TENM3: variants seen among roughly 807,000 people sequenced by gnomAD.
TENM3 encodes teneurin transmembrane protein 3.
Under a neutral mutation model 255.1 loss-of-function variants are expected in TENM3, and 63 were observed. That is an observed-to-expected ratio of 0.25 (90% CI 0.20 to 0.30). TENM3 has a LOEUF of 0.30. TENM3 is among the 10% of genes least tolerant of loss of function. The pLI, the probability that TENM3 is intolerant of heterozygous loss-of-function variation, is 1.00. For synonymous variants in TENM3, 1,306 were observed against 1,322.3 expected, an observed-to-expected ratio of 0.99 and a Z score of 0.27; for missense variants, 2,929 against 3,461.1, an observed-to-expected ratio of 0.85 and a Z score of 3.86.
At chr4:182,661,035 A>G (rs141754104) in intron 6 of TENM3, among the ~76,000 whole-genome samples, 2 of 152,322 alleles carry the variant, frequency 1.3e-5, no homozygotes, top group East Asian at 3.9e-4. Flanking sequence ...AAGGCTATAT[A>G]TTACAGGCAA....
intron 12 of TENM3, among the ~76,000 whole-genome samples, chr4:182,691,025 C>G (rs1756970031): frequency 6.6e-6 from 1 of 152,206 alleles, no homozygotes; most frequent in Non-Finnish European, 1.5e-5. Context: ...CTCTTTTATA[C>G]TAATAAGATG....
Position 182,738,548 on chromosome 4 carries a change from A to T in TENM3, c.3379+4A>T. Reference sequence around the variant, plus strand: ...CACGTGCTGGATGTACAGAACGGTAAGCTCTTGTTCATAGATAACTGATGT... The same window carrying T: ...CACGTGCTGGATGTACAGAACGGTATGCTCTTGTTCATAGATAACTGATGT... On this transcript the variant is annotated splice_donor_region_variant and intron_variant, in intron 18 of 27. Transcript: ENST00000511685. 1 of 1,608,012 alleles carries T rather than the reference A, an allele frequency of 6.2e-7. No homozygotes were observed. Among genetic ancestry groups the T allele is most frequent in the East Asian group, 2.2e-5 (1 of 44,586 alleles).
the TENM3 span, among the ~76,000 whole-genome samples, chr4:181,901,823 T>A: frequency 6.6e-6 from 1 of 152,170 alleles, no homozygotes; most frequent in Non-Finnish European, 1.5e-5. Flanking sequence ...AGTCTTCAAA[T>A]TATTATTATA....
chr4:182,622,803 C>A lies in TENM3; in HGVS notation c.750-5848C>A, dbSNP rs935399334. On this transcript the variant is annotated intron_variant, in intron 4 of 27. Transcript: ENST00000511685. ...TTATTTTACACATATTTATTGAACA[C>A]CTACAACATGCCAAGAACTTTTTAA... 2.0e-5 allele frequency among the ~76,000 whole-genome samples: 3 copies of A among 152,044 alleles called. No individual in the cohort carries two copies. The East Asian group carries it at 5.8e-4, about 29-fold the overall frequency.
chr4:182,772,031 C>G (rs1764275940), intron 22 of TENM3, among the ~76,000 whole-genome samples: 1 of 152,106 alleles, frequency 6.6e-6, no homozygotes, highest in Admixed American at 6.5e-5. Context: ...ATGGGATCAG[C>G]TCATCACCGG....
chr4:181,925,648 A>G, the TENM3 span, among the ~76,000 whole-genome samples: 1 of 152,338 alleles, frequency 6.6e-6, no homozygotes, highest in South Asian at 2.1e-4. Flanking sequence ...AAAATGTTAT[A>G]AAGTTATGGA....
At chr4:182,474,401 A>T (rs1251642206) in intron 3 of TENM3, among the ~76,000 whole-genome samples, 1 of 116,910 alleles carries the variant, frequency 8.6e-6, no homozygotes, top group African/African-American at 2.6e-5. Flanking sequence ...CAGCTAGGGC[A>T]CTATTTAGCA....
At chr4:182,758,221 A>C (rs1025848681) in intron 22 of TENM3, among the ~76,000 whole-genome samples, 7 of 151,826 alleles carry the variant, frequency 4.6e-5, no homozygotes, top group Admixed American at 2.6e-4. Flanking sequence ...AGAATGACAA[A>C]TGATCATTTT....
chr4:182,459,392 A>G (rs1774153059), intron 3 of TENM3, among the ~76,000 whole-genome samples: 2 of 152,092 alleles, frequency 1.3e-5, no homozygotes, highest in African/African-American at 4.8e-5. Flanking sequence ...TAGCCCTTTC[A>G]CGTGTCATGA....
At chr4:181,487,292 T>G in the TENM3 span, among the ~76,000 whole-genome samples, 1 of 152,172 alleles carries the variant, frequency 6.6e-6, no homozygotes, top group African/African-American at 2.4e-5. Context: ...TAGTCTCTAA[T>G]GCCGGCACGC....
At chr4:182,198,243 T>C (rs1753954107) in intron 1 of TENM3, among the ~76,000 whole-genome samples, 2 of 152,232 alleles carry the variant, frequency 1.3e-5, no homozygotes, top group African/African-American at 4.8e-5. Context: ...TAGAGGTTCA[T>C]TTGCACGAAT....
the TENM3 span, among the ~76,000 whole-genome samples, chr4:181,528,142 A>C: frequency 2.0e-5 from 3 of 147,870 alleles, no homozygotes; most frequent in African/African-American, 7.3e-5. Context: ...GTGATTTAAA[A>C]TTTTCTATTT....
chr4:182,018,494 A>G, the TENM3 span, among the ~76,000 whole-genome samples: 1 of 152,210 alleles, frequency 6.6e-6, no homozygotes, highest in Non-Finnish European at 1.5e-5. Context: ...AGCTAGGAAA[A>G]CCAGCATTCT....
chr4:181,624,364 A>C, the TENM3 span, among the ~76,000 whole-genome samples: 1 of 152,248 alleles, frequency 6.6e-6, no homozygotes, highest in Non-Finnish European at 1.5e-5. Context: ...CAATGGCCGA[A>C]GTAAATCCCA....
At chr4:182,311,181 T>G (rs1385295877) in intron 1 of TENM3, among the ~76,000 whole-genome samples, 1 of 152,232 alleles carries the variant, frequency 6.6e-6, no homozygotes, top group Non-Finnish European at 1.5e-5. Flanking sequence ...TAATCGTCTT[T>G]TCCCTGAAGA....
the TENM3 span, among the ~76,000 whole-genome samples, chr4:181,910,914 A>C: frequency 0.089 from 13,472 of 152,056 alleles, 700 homozygotes; most frequent in East Asian, 0.2. Context: ...CCCTTTTCAT[A>C]GTTTCATTAG....
At chr4:182,379,714 A>G (rs182723201) in intron 3 of TENM3, among the ~76,000 whole-genome samples, 2 of 152,334 alleles carry the variant, frequency 1.3e-5, no homozygotes, top group Admixed American at 1.3e-4. Context: ...GCCTGCGAGT[A>G]TGATGGCAGA....
chr4:181,860,757 A>G, the TENM3 span, among the ~76,000 whole-genome samples: 1 of 152,174 alleles, frequency 6.6e-6, no homozygotes, highest in Non-Finnish European at 1.5e-5. Flanking sequence ...CAAAGCTGCT[A>G]ATCATTGGCT....
At chr4:182,359,876 C>T (rs1765837685) in intron 3 of TENM3, among the ~76,000 whole-genome samples, 1 of 150,056 alleles carries the variant, frequency 6.7e-6, no homozygotes, top group East Asian at 2.0e-4. Context: ...AAATTTCCCT[C>T]TACACACTGC....
Sources: gnomAD v4.1 joint callset for allele counts (sites outside exome capture counted in the v4.1 genomes callset) on GRCh38, gnomAD v4.1.1 for gene constraint, MANE v1.5 for transcripts, NCBI Gene and HGNC (gene_info 2026-07-23, HGNC 2026-07-21) for gene names.